Variants in FAM184B observed in about 807,000 individuals in gnomAD.
The protein encoded by FAM184B is protein FAM184B.
In FAM184B, 111 loss-of-function variants were observed where a neutral mutation model predicts 135.9. That is an observed-to-expected ratio of 0.82 (90% CI 0.70 to 0.96). The LOEUF is 0.96. Ranked by LOEUF, FAM184B falls within the 40% of genes least tolerant of loss-of-function variation. The pLI, the probability that FAM184B is intolerant of heterozygous loss-of-function variation, is 0.00. For missense variants in FAM184B, 1,375 were observed against 1,323.9 expected, an observed-to-expected ratio of 1.04 and a Z score of -0.60; for synonymous variants, 552 against 524.8, an observed-to-expected ratio of 1.05 and a Z score of -0.71.
Position 17,781,473 on chromosome 4 carries a change from C to A in FAM184B, c.-174G>T, listed in dbSNP as rs977551909. The A allele has an allele frequency of 2.3e-5, 17 of 744,202 alleles. No individual in the cohort carries two copies. The highest frequency in any genetic ancestry group is 3.3e-5 in the Non-Finnish European group (17 of 507,936). 46.1% of individuals were successfully genotyped at this position (744,202 alleles called of 1,614,324 possible). On this transcript the variant is annotated 5_prime_UTR_variant, in exon 1 of 18. Transcript: ENST00000265018. This position sits in a 1 kb window ranked among gnomAD's most constrained non-coding sequence, Gnocchi z 6.5. The stretch of plus-strand genomic sequence containing the variant: ...TTCCCGAAGGTCTCCGCCTCCCGGG[C>A]CCACCCGCGCGCCCACCCTTTTTCC...
intron 1 of FAM184B, among the ~76,000 whole-genome samples, chr4:17,770,364 G>A (rs1718787776): frequency 6.6e-6 from 1 of 152,218 alleles, no homozygotes; most frequent in Admixed American, 6.5e-5. Flanking sequence ...TGGTGGAGGT[G>A]GAAATGGAGA....
chr4:17,633,518 T>G, intron 17 of FAM184B, 171 bp downstream of exon 17: 1 of 559,242 alleles, frequency 1.8e-6, no homozygotes, highest in Non-Finnish European at 3.0e-6. Context: ...GAGTCCACCT[T>G]TTGTATAACC....
intron 7 of FAM184B, among the ~76,000 whole-genome samples, chr4:17,675,970 T>C (rs1716301958): frequency 6.6e-6 from 1 of 152,226 alleles, no homozygotes; most frequent in African/African-American, 2.4e-5. Context: ...TTTGTTTTGC[T>C]TTCTTATTAC....
chr4:17,766,109 T>G (rs1195042674), intron 1 of FAM184B, among the ~76,000 whole-genome samples: 1 of 152,178 alleles, frequency 6.6e-6, no homozygotes, highest in African/African-American at 2.4e-5. Context: ...AAGAGCAAGA[T>G]TGGGAAGGTA....
intron 1 of FAM184B, among the ~76,000 whole-genome samples, chr4:17,735,388 AT>A (rs1247267081): frequency 6.6e-6 from 1 of 152,162 alleles, no homozygotes; most frequent in Non-Finnish European, 1.5e-5. Flanking sequence ...AAAAATTTTC[AT>A]TTTTTAAAAT....
At chr4:17,652,455 G>C (rs1715647209) in intron 11 of FAM184B, among the ~76,000 whole-genome samples, 1 of 152,290 alleles carries the variant, frequency 6.6e-6, no homozygotes, top group Non-Finnish European at 1.5e-5. Context: ...AATCCACACA[G>C]TGAGCCTATG....
At position 17,706,583 on chromosome 4, in the gene FAM184B, C is replaced by A. The variant is rs558937366; in HGVS notation, c.1031-692G>T. ...AGAATCATGTATTTTTGGATACAAG[C>A]AAGAGCTCTGTCACCAACCAGTTGG... On this transcript the variant is annotated intron_variant, in intron 3 of 17. Transcript: ENST00000265018. 1.4e-4 allele frequency among the ~76,000 whole-genome samples: 21 copies of A among 152,294 alleles called. No homozygotes were observed. In the South Asian group the frequency reaches 2.9e-3, roughly 21 times the overall value.
At chr4:17,761,262 T>C (rs1017823103) in intron 1 of FAM184B, among the ~76,000 whole-genome samples, 1 of 151,852 alleles carries the variant, frequency 6.6e-6, no homozygotes, top group Non-Finnish European at 1.5e-5. Context: ...TCTCTCTCTC[T>C]CCCTGTGTGC....
chr4:17,684,709 C>A (rs1477642724), intron 7 of FAM184B, among the ~76,000 whole-genome samples: 3 of 152,036 alleles, frequency 2.0e-5, no homozygotes, highest in African/African-American at 7.2e-5. Flanking sequence ...CTTGCTGCAA[C>A]TCTATAGAGG....
At chr4:17,671,789 ATATTTT>A (rs1446933063) in intron 7 of FAM184B, among the ~76,000 whole-genome samples, 1 of 152,044 alleles carries the variant, frequency 6.6e-6, no homozygotes, top group Admixed American at 6.6e-5. Context: ...CAGAGAGGAT[ATATTTT>A]TAAAGTACCA....
intron 17 of FAM184B, 24 bp downstream of exon 17, chr4:17,633,665 C>T (rs759610545): frequency 1.3e-6 from 2 of 1,483,628 alleles, no homozygotes; most frequent in Non-Finnish European, 1.8e-6. Context: ...GAATAAGGGC[C>T]CCTGTCCCCA....
chr4:17,764,389 C>T (rs952640555), intron 1 of FAM184B, among the ~76,000 whole-genome samples: 1 of 152,210 alleles, frequency 6.6e-6, no homozygotes, highest in African/African-American at 2.4e-5. Context: ...AAGGGCTCAT[C>T]GAAGCACATG....
At chr4:17,762,080 T>C (rs1319774234) in intron 1 of FAM184B, among the ~76,000 whole-genome samples, 1 of 152,156 alleles carries the variant, frequency 6.6e-6, no homozygotes, top group African/African-American at 2.4e-5. Context: ...AAATTCTCTC[T>C]GAGAAAGCTG....
At chr4:17,668,944 C>G (rs564947794) in intron 7 of FAM184B, among the ~76,000 whole-genome samples, 1 of 152,324 alleles carries the variant, frequency 6.6e-6, no homozygotes, top group East Asian at 1.9e-4. Context: ...CTGCCTTGTA[C>G]TGTTATAGGA....
At chr4:17,734,643 A>G (rs980383149) in intron 1 of FAM184B, among the ~76,000 whole-genome samples, 4 of 151,286 alleles carry the variant, frequency 2.6e-5, no homozygotes, top group African/African-American at 9.7e-5. Context: ...ACCATCTCAC[A>G]CCAGTTAGAA....
chr4:17,681,105 T>C (rs1716423314), intron 7 of FAM184B, among the ~76,000 whole-genome samples: 1 of 152,206 alleles, frequency 6.6e-6, no homozygotes, highest in East Asian at 1.9e-4. Context: ...ACCACAAGTC[T>C]CTGGGGGTAT....
In FAM184B at chr4:17,738,316, G is replaced by A. The variant is rs576012078; in HGVS notation, c.142-28672C>T. Among the ~76,000 whole-genome samples, 12 of 152,168 alleles carry A rather than the reference G, an allele frequency of 7.9e-5. 1 individual carries two copies. In the East Asian group the frequency reaches 1.6e-3, roughly 20 times the overall value. ...AAGCTTCCTGTTAGTAGGAAAGGGT[G>A]ACCCTGCCAAGCAGATCAATGCAGA... On this transcript the variant is annotated intron_variant, in intron 1 of 17. Coordinates refer to ENST00000265018, the MANE Select transcript of FAM184B (RefSeq NM_015688.2).
At chr4:17,672,005 A>C (rs1179408316) in intron 7 of FAM184B, among the ~76,000 whole-genome samples, 1 of 152,094 alleles carries the variant, frequency 6.6e-6, no homozygotes, top group Non-Finnish European at 1.5e-5. Flanking sequence ...GATAATGACT[A>C]AGAAGTTCCC....
At chr4:17,692,881 G>T (rs1035336873) in intron 6 of FAM184B, among the ~76,000 whole-genome samples, 9 of 152,046 alleles carry the variant, frequency 5.9e-5, no homozygotes, top group Admixed American at 2.6e-4. Flanking sequence ...AAAAAGTATA[G>T]TCTGGATGAT....
Sources: gnomAD v4.1 joint callset for allele counts (sites outside exome capture counted in the v4.1 genomes callset) on GRCh38, gnomAD v4.1.1 for gene constraint, Gnocchi (gnomAD v3.1) non-coding constraint, MANE v1.5 for transcripts, NCBI Gene and HGNC (gene_info 2026-07-23, HGNC 2026-07-21) for gene names.